Variants in GREB1L observed in about 807,000 individuals in gnomAD.
GREB1L encodes GREB1 like retinoic acid receptor coactivator, also known as GREB1-like protein.
A neutral mutation model predicts 200.8 loss-of-function variants in GREB1L; 17 were observed. The ratio of observed to expected loss-of-function variants is 0.08; its 90% CI spans 0.06 to 0.13. The LOEUF (loss-of-function observed/expected upper bound fraction) is 0.13. Among genes scored for constraint, GREB1L ranks in the 10% least tolerant of loss-of-function variants. The pLI is 1.00. For synonymous variants in GREB1L, 789 were observed against 893.0 expected, an observed-to-expected ratio of 0.88 and a Z score of 2.08; for missense variants, 1,657 against 2,367.7, an observed-to-expected ratio of 0.70 and a Z score of 6.23.
At chr18:21,397,337 C>A (rs1382484347) in intron 5 of GREB1L, among the ~76,000 whole-genome samples, 3 of 151,336 alleles carry the variant, frequency 2.0e-5, no homozygotes, top group Admixed American at 6.6e-5. Context: ...CTAAAAAAAA[C>A]CCCGTCTCTA....
chr18:21,438,975 AAAAAGAAAAG>A (rs950352791), intron 7 of GREB1L, among the ~76,000 whole-genome samples: 10 of 144,968 alleles, frequency 6.9e-5, no homozygotes, highest in African/African-American at 1.6e-4. Flanking sequence ...AAAAAAAAAA[AAAAAGAAAAG>A]AAAAGAAAAG....
At chr18:21,391,404 G>A (rs2040799050) in intron 4 of GREB1L, among the ~76,000 whole-genome samples, 1 of 152,184 alleles carries the variant, frequency 6.6e-6, no homozygotes, top group African/African-American at 2.4e-5. Context: ...TGTATCATCT[G>A]GGTGTGTGAA....
At chr18:21,437,155 C>G (rs918566639) in intron 7 of GREB1L, among the ~76,000 whole-genome samples, 1 of 152,100 alleles carries the variant, frequency 6.6e-6, no homozygotes, top group African/African-American at 2.4e-5. Context: ...TTTCAAACTC[C>G]GGGGCTCAAG....
intron 27 of GREB1L, among the ~76,000 whole-genome samples, chr18:21,512,134 TAA>T (rs1379195524): frequency 1.3e-5 from 2 of 152,224 alleles, no homozygotes; most frequent in Non-Finnish European, 2.9e-5. Context: ...GTGAGATCTC[TAA>T]CTTTGCCTCT....
intron 1 of GREB1L, among the ~76,000 whole-genome samples, chr18:21,313,866 C>G (rs2038828490): frequency 6.6e-6 from 1 of 152,220 alleles, no homozygotes; most frequent in African/African-American, 2.4e-5. Flanking sequence ...TCTGCTGTTT[C>G]CTCATCTTTA....
chr18:21,511,438 A>AT (rs1669394636), intron 27 of GREB1L, among the ~76,000 whole-genome samples: 2 of 151,818 alleles, frequency 1.3e-5, no homozygotes, highest in African/African-American at 4.8e-5. Flanking sequence ...CAGTTTGTCT[A>AT]TTTTTTCTTA....
intron 17 of GREB1L, 94 bp from the exon 18 acceptor site, chr18:21,485,526 C>T: frequency 8.7e-7 from 1 of 1,153,250 alleles, no homozygotes; most frequent in Non-Finnish European, 1.2e-6. Flanking sequence ...GAAATAACCT[C>T]TTACAGCGGT....
intron 15 of GREB1L, among the ~76,000 whole-genome samples, chr18:21,459,279 C>CTTTTTTTTTTTTTT (rs746568414): frequency 1.2e-5 from 1 of 85,918 alleles, no homozygotes; most frequent in Non-Finnish European, 2.1e-5. Context: ...TTTTTCTTTA[C>CTTTTTTTTTTTTTT]TTTTTTTTTT....
chr18:21,248,130 G>A (rs1362835027), intron 1 of GREB1L, among the ~76,000 whole-genome samples: 10 of 152,260 alleles, frequency 6.6e-5, no homozygotes, highest in Middle Eastern at 3.4e-3. Context: ...ATTTAATTCA[G>A]GTAGGAATTG....
chr18:21,508,776 T>C, intron 27 of GREB1L, 185 bp downstream of exon 27: 1 of 618,536 alleles, frequency 1.6e-6, no homozygotes, highest in Non-Finnish European at 2.8e-6. Context: ...TTTTTCCCTT[T>C]ATCTGCACTT....
At chr18:21,414,261 A>G (rs1189459152) in intron 7 of GREB1L, among the ~76,000 whole-genome samples, 2 of 152,236 alleles carry the variant, frequency 1.3e-5, no homozygotes, top group Non-Finnish European at 2.9e-5. Context: ...GTTAAGCAAT[A>G]AAAGTAAAAT....
At chr18:21,297,189 A>G (rs2038543760) in intron 1 of GREB1L, among the ~76,000 whole-genome samples, 1 of 152,118 alleles carries the variant, frequency 6.6e-6, no homozygotes. Flanking sequence ...CCCTATACAC[A>G]TTAAAGTTTG....
rs78312929 is a variant in GREB1L at position 21,505,893 on chromosome 18, A to G, written c.4312A>G (p.Thr1438Ala). 10 of 1,552,044 alleles carry G rather than the reference A, an allele frequency of 6.4e-6. No homozygotes were observed. The highest frequency in any genetic ancestry group is 1.7e-4 in the Middle Eastern group (1 of 5,998). ...GCTGACCAAATATGCAGCCTATAAC[A>G]CCTTTCACCACTGTGAACAGTGCCG... ...IMLTKYAAYNTFHHCEQCRQY... is the reference protein window; with the variant it reads ...IMLTKYAAYNAFHHCEQCRQY... Residue 1438 changes from threonine to alanine, a missense_variant, in exon 25 of 33, where the codon ACC becomes GCC. Physicochemically the swap from Thr to Ala is moderately conservative, Grantham distance 58. Around this residue, in one of 9 missense-constraint regions of GREB1L, gnomAD observed 512 missense variants for 668.3 expected, o/e 0.77. Transcript: ENST00000424526.
At chr18:21,514,242 C>G (rs560821105) in intron 28 of GREB1L, among the ~76,000 whole-genome samples, 22 of 152,314 alleles carry the variant, frequency 1.4e-4, no homozygotes, top group Admixed American at 2.0e-4. Flanking sequence ...TGCGGCCAGG[C>G]ACAGTGGCTC....
chr18:21,368,880 C>CA (rs1371943463), intron 2 of GREB1L, among the ~76,000 whole-genome samples: 3 of 151,042 alleles, frequency 2.0e-5, no homozygotes, highest in African/African-American at 7.3e-5. Context: ...AAAACAAAGC[C>CA]AAAAAAAACC....
intron 7 of GREB1L, among the ~76,000 whole-genome samples, chr18:21,420,243 G>T (rs1402888900): frequency 6.6e-6 from 1 of 151,898 alleles, no homozygotes; most frequent in Non-Finnish European, 1.5e-5. Context: ...ATGGTGGCGG[G>T]TGCCTGTAAT....
chr18:21,488,905 C>T (rs553815468), intron 18 of GREB1L, among the ~76,000 whole-genome samples: 67 of 152,212 alleles, frequency 4.4e-4, no homozygotes, highest in Non-Finnish European at 9.0e-4. Flanking sequence ...GATCCACCCA[C>T]CTCGTCCTCC....
At chr18:21,345,234 C>T (rs980487538) in intron 1 of GREB1L, among the ~76,000 whole-genome samples, 3 of 152,164 alleles carry the variant, frequency 2.0e-5, no homozygotes, top group African/African-American at 4.8e-5. Context: ...TGTCTAAGAA[C>T]TGAATGGATC....
chr18:21,288,481 A>G (rs919718417), intron 1 of GREB1L, among the ~76,000 whole-genome samples: 1 of 152,210 alleles, frequency 6.6e-6, no homozygotes, highest in Non-Finnish European at 1.5e-5. Context: ...AAAAAATACC[A>G]AGAGAGTTAT....
Sources: allele counts gnomAD v4.1 joint callset (sites outside exome capture counted in the v4.1 genomes callset), GRCh38; gene constraint gnomAD v4.1.1; regional missense constraint gnomAD v4.1.1; transcripts MANE v1.5; gene names NCBI Gene and HGNC (gene_info 2026-07-23, HGNC 2026-07-21).